The following POLM variants were observed in gnomAD, a reference collection of about 807,000 sequenced individuals.
The protein encoded by POLM is DNA polymerase mu.
In POLM, 52 loss-of-function variants were observed where a neutral mutation model predicts 56.7. The ratio of observed to expected loss-of-function variants is 0.92; its 90% CI spans 0.73 to 1.15. The LOEUF (loss-of-function observed/expected upper bound fraction) is 1.15. Ranked by LOEUF, POLM falls within the 50% of genes most tolerant of loss-of-function variation. POLM has a pLI of 0.00. For synonymous variants in POLM, 273 were observed against 274.3 expected (o/e 1.00, Z 0.05); for missense variants, 660 against 663.6 (o/e 0.99, Z 0.06).
rs1586013868 is a variant in POLM, at chr7:44,074,651, C to T, written c.836-121G>A. ...TCATTGCAGGACCAGGAGAGGCCTC[C>T]GAGGAAGGTGAGGCTAGGGCAGGGA... is the stretch of plus-strand genomic sequence containing the variant. On this transcript the variant is annotated intron_variant, in intron 6 of 10. Transcript: ENST00000242248. 1.6e-5 allele frequency: 19 copies of T among 1,167,324 alleles called. No individual in the cohort carries two copies. In the East Asian group the frequency reaches 1.9e-4, roughly 12 times the overall value. 72.3% of individuals were successfully genotyped at this position (1,167,324 alleles called of 1,614,324 possible).
In POLM at chr7:44,073,967, G is replaced by C. The variant is rs748768028; in HGVS notation, c.1130C>G (p.Ala377Gly). ...AAAAGCGTCCATGTGGCTCTGTTGG[G>C]CCAGGCGGGTAGGGGACTCACAGCA... ...HSCCESPTRL[A>G]QQSHMDAFER... Residue 377 changes from alanine to glycine, a missense_variant, in exon 9 of 11, where the codon GCC becomes GGC. Physicochemically the swap from Ala to Gly is moderately conservative, Grantham distance 60. Transcript: ENST00000242248. 4 of 1,614,104 alleles carry C rather than the reference G, an allele frequency of 2.5e-6. No individual in the cohort carries two copies. Among genetic ancestry groups the C allele is most frequent in the Non-Finnish European group, 3.4e-6 (4 of 1,180,040 alleles).
At chr7:44,081,852 T>C (rs370460312) in intron 1 of POLM, among the ~76,000 whole-genome samples, 9 of 151,012 alleles carry the variant, frequency 6.0e-5, no homozygotes, top group African/African-American at 2.2e-4. Context: ...TTCATGCCAT[T>C]CTCCTGCCTC....
intron 6 of POLM, among the ~76,000 whole-genome samples, chr7:44,075,286 G>T (rs1318587475): frequency 7.9e-5 from 12 of 152,142 alleles, no homozygotes; most frequent in Non-Finnish European, 1.6e-4. Context: ...CTAACCTCAG[G>T]TGATCCACCC....
chr7:44,076,714 T>C (rs1326038300), intron 5 of POLM, 85 bp from the exon 6 acceptor site: 16 of 1,542,552 alleles, frequency 1.0e-5, no homozygotes, highest in African/African-American at 1.4e-5. Context: ...GTGTGGCCCA[T>C]GGAGCACCAT....
At chr7:44,078,548 C>T in intron 5 of POLM, 192 bp downstream of exon 5, 1 of 583,940 alleles carries the variant, frequency 1.7e-6, no homozygotes, top group South Asian at 2.0e-5. Flanking sequence ...CAAGCTTCTT[C>T]CTTGCCTGTC....
At chr7:44,077,041 C>A (rs1346287490) in intron 5 of POLM, 1 of 157,768 alleles carries the variant, frequency 6.3e-6, no homozygotes, top group East Asian at 1.8e-4. Context: ...AGTTAACAAT[C>A]AAAAGGGTGG....
intron 5 of POLM, 104 bp from the exon 6 acceptor site, chr7:44,076,733 C>A: frequency 6.9e-7 from 1 of 1,455,544 alleles, no homozygotes; most frequent in Non-Finnish European, 9.3e-7. Context: ...ATGCACCAGG[C>A]AGGCGCCGTC....
Position 44,073,976 on chromosome 7 carries a change from G to A in POLM, c.1121C>T (p.Thr374Ile), listed in dbSNP as rs370972525. 1.9e-6 allele frequency: 3 copies of A among 1,614,228 alleles called. No homozygotes were observed. The highest frequency in any genetic ancestry group is 2.5e-6 in the Non-Finnish European group (3 of 1,180,024). The stretch of plus-strand genomic sequence containing the variant: ...CATGTGGCTCTGTTGGGCCAGGCGG[G>A]TAGGGGACTCACAGCAGCTGTGCTG... Reference protein sequence around the residue: ...QHQHSCCESPTRLAQQSHMDA... With the variant: ...QHQHSCCESPIRLAQQSHMDA... The change falls in exon 9 of 11, where the codon ACC (threonine) becomes ATC (isoleucine). Residue 374 changes from threonine to isoleucine, a missense_variant. Transcript: ENST00000242248.
chr7:44,080,684 C>T, intron 2 of POLM, 49 bp downstream of exon 2: 2 of 1,565,834 alleles, frequency 1.3e-6, no homozygotes, highest in Non-Finnish European at 1.8e-6. Flanking sequence ...CAATGGCCTA[C>T]ACTGGGGCTT....
rs748451961 is a variant in POLM, at chr7:44,082,331, C to T, written c.108G>A (p.Glu36=). Residue 36 remains glutamate, a synonymous_variant, in exon 1 of 11, where the codon GAG becomes GAA. Transcript: ENST00000242248. ...CCCGGCGGCTGCGACCCATGCGAGGCTCGACCAGGTAGATGGCGACTCCCG... is the reference window on the plus strand; with the variant it reads ...CCCGGCGGCTGCGACCCATGCGAGGTTCGACCAGGTAGATGGCGACTCCCG... ...RFPGVAIYLV[E]PRMGRSRRAF... 3 of 1,561,722 alleles carry T rather than the reference C, an allele frequency of 1.9e-6. No individual in the cohort carries two copies. The highest frequency in any genetic ancestry group is 1.2e-5 in the South Asian group (1 of 85,876).
intron 1 of POLM, among the ~76,000 whole-genome samples, chr7:44,081,558 C>T (rs1261559223): frequency 6.6e-6 from 1 of 152,174 alleles, no homozygotes; most frequent in East Asian, 1.9e-4. Flanking sequence ...AGCTCCCTTA[C>T]TCTGGGTGTT....
chr7:44,082,430 G>C lies in POLM; in HGVS notation c.9C>G (p.Pro3=), dbSNP rs2128804811. The change falls in exon 1 of 11, where the codon CCC becomes CCG. Residue 3 remains proline (P), a synonymous_variant. Coordinates refer to ENST00000242248, the MANE Select transcript of POLM (RefSeq NM_013284.4). ML[P]KRRRARVGSP... is the part of the protein sequence containing the mutation. ...ACCCGACCCGCGCTCGCCGCCGTTT[G>C]GGGAGCATTGGGACGACAGCCTCCA... 1 of 1,444,942 alleles carries C rather than the reference G, an allele frequency of 6.9e-7. No homozygotes were observed. Among genetic ancestry groups the C allele is most frequent in the East Asian group, 2.9e-5 (1 of 34,598 alleles). 89.5% of individuals were successfully genotyped at this position (1,444,942 alleles called of 1,614,324 possible).
intron 5 of POLM, among the ~76,000 whole-genome samples, chr7:44,077,375 C>T (rs780843699): frequency 1.4e-4 from 22 of 152,338 alleles, no homozygotes; most frequent in Non-Finnish European, 2.4e-4. Flanking sequence ...TCCTGCAGAC[C>T]GGCCACAGCC....
intron 5 of POLM, among the ~76,000 whole-genome samples, chr7:44,078,056 A>G (rs988393339): frequency 6.6e-6 from 1 of 152,258 alleles, no homozygotes; most frequent in Admixed American, 6.5e-5. Flanking sequence ...GGTCCTGCAG[A>G]AGGCGGGCAA....
intron 7 of POLM, 41 bp from the exon 8 acceptor site, chr7:44,074,274 G>T: frequency 6.5e-7 from 1 of 1,546,780 alleles, no homozygotes; most frequent in South Asian, 1.2e-5. Context: ...GACACGGCCT[G>T]CTCACTCCAG....
chr7:44,074,973 G>T (rs1273551559), intron 6 of POLM, among the ~76,000 whole-genome samples: 1 of 152,224 alleles, frequency 6.6e-6, no homozygotes, highest in Non-Finnish European at 1.5e-5. Flanking sequence ...ATGGAAGATG[G>T]CTTTGCCATG....
intron 2 of POLM, chr7:44,080,318 G>C (rs1162804045): frequency 1.8e-6 from 1 of 541,136 alleles, no homozygotes; most frequent in South Asian, 1.5e-5. Context: ...ATGGCTCACA[G>C]GCTGGGCCAG....
In POLM at chr7:44,073,812, A is replaced by T; in HGVS notation, c.1285T>A (p.Phe429Ile). 6.2e-7 allele frequency: 1 copy of T among 1,614,212 alleles called. No individual in the cohort carries two copies. The highest frequency in any genetic ancestry group is 8.5e-7 in the Non-Finnish European group (1 of 1,180,032). ...LVVAPVSQFP[F>I]ALLGWTGSKL... is the part of the protein sequence containing the mutation. ...GAGCCAGTCCAACCGAGCAGGGCGA[A>T]AGGGAACTGGCTGACGGGTGCAACT... The change falls in exon 9 of 11, where the codon TTC (phenylalanine) becomes ATC (isoleucine). Residue 429 changes from phenylalanine to isoleucine, a missense_variant. Transcript: ENST00000242248.
intron 5 of POLM, among the ~76,000 whole-genome samples, chr7:44,077,610 A>G (rs2096187273): frequency 6.6e-6 from 1 of 152,126 alleles, no homozygotes; most frequent in Non-Finnish European, 1.5e-5. Context: ...CTAACCTCAC[A>G]CCACTTCAAG....
Sources: gnomAD v4.1 joint callset for allele counts (sites outside exome capture counted in the v4.1 genomes callset) on GRCh38, gnomAD v4.1.1 for gene constraint, MANE v1.5 for transcripts, NCBI Gene and HGNC (gene_info 2026-07-23, HGNC 2026-07-21) for gene names.